PARD3: variants seen among roughly 807,000 people sequenced by gnomAD.
PARD3 encodes the protein par-3 family cell polarity regulator, also known as partitioning defective 3 homolog.
A neutral mutation model predicts 155.4 loss-of-function variants in PARD3; 75 were observed. The ratio of observed to expected loss-of-function variants is 0.48; its 90% CI spans 0.40 to 0.58. The LOEUF (loss-of-function observed/expected upper bound fraction) is 0.58, where lower values mean the gene tolerates loss of function less well. PARD3 is among the 20% of genes least tolerant of loss of function. PARD3 has a pLI of 0.00. For missense variants in PARD3, 1,642 were observed against 1,721.7 expected (o/e 0.95, Z 0.82); for synonymous variants, 576 against 610.5 (o/e 0.94, Z 0.83).
chr10:34,402,215 A>AT (rs1181080166), intron 5 of PARD3, among the ~76,000 whole-genome samples: 2 of 152,112 alleles, frequency 1.3e-5, no homozygotes, highest in Non-Finnish European at 2.9e-5. Context: ...TTATCTGGTC[A>AT]TTTTTCATTT....
rs773527463 is a variant in PARD3 at position 34,111,246 on chromosome 10, C to T, written c.3985G>A (p.Val1329Met). 6 of 1,612,708 alleles carry T rather than the reference C, an allele frequency of 3.7e-6. No homozygotes were observed. Among genetic ancestry groups the T allele is most frequent in the South Asian group, 2.2e-5 (2 of 91,018 alleles). The part of the protein sequence containing the change: ...APPKGPFRQD[V>M]PPSPSQVARL... ...GCAACCTGAGAAGGGGAGGGGGGCACATCTTGCCGGAAGGGCCCCTTGGGA... is the reference window on the plus strand; with the variant it reads ...GCAACCTGAGAAGGGGAGGGGGGCATATCTTGCCGGAAGGGCCCCTTGGGA... Residue 1329 changes from valine to methionine, a missense_variant, in exon 25 of 25, where the codon GTG becomes ATG. Val to Met is a conservative substitution (Grantham distance 21). Coordinates refer to ENST00000374788, the MANE Select transcript of PARD3 (RefSeq NM_001184785.2).
chr10:34,643,222 G>A (rs190397006), intron 2 of PARD3, among the ~76,000 whole-genome samples: 46 of 152,316 alleles, frequency 3.0e-4, no homozygotes, highest in Admixed American at 2.7e-3. Context: ...TGGCTCACCT[G>A]GAGCCCCCTC....
intron 1 of PARD3, among the ~76,000 whole-genome samples, chr10:34,752,486 G>A (rs1474436154): frequency 1.3e-5 from 2 of 150,566 alleles, no homozygotes; most frequent in Non-Finnish European, 2.9e-5. Flanking sequence ...AAGCTTTTAA[G>A]ACATGTAAAT....
chr10:34,267,558 T>G (rs1955384467), intron 22 of PARD3, among the ~76,000 whole-genome samples: 1 of 152,210 alleles, frequency 6.6e-6, no homozygotes, highest in Non-Finnish European at 1.5e-5. Context: ...CATTTCACCT[T>G]AAGATCTGGC....
intron 1 of PARD3, among the ~76,000 whole-genome samples, chr10:34,749,495 T>C (rs956933288): frequency 6.6e-6 from 1 of 151,316 alleles, no homozygotes; most frequent in African/African-American, 2.4e-5. Flanking sequence ...AAACTATATA[T>C]AAATTATAAC....
At position 34,513,811 on chromosome 10, in the gene PARD3, T is replaced by C. The variant is rs561646999; in HGVS notation, c.403+3168A>G. Among the ~76,000 whole-genome samples the C allele has an allele frequency of 5.7e-4, 87 of 152,316 alleles. 1 individual carries two copies. The highest frequency in any genetic ancestry group is 1.9e-3 in the African/African-American group (81 of 41,582). On this transcript the variant is annotated intron_variant, in intron 3 of 24. Transcript: ENST00000374788. ...ACATCTGGGCTGCAGAGTTCTCTGA[T>C]GTCGGATTGTCCTGTGCTTGTAAGG...
At chr10:34,227,856 T>TATATATA (rs1554814034) in intron 22 of PARD3, among the ~76,000 whole-genome samples, 4,836 of 82,138 alleles carry the variant, frequency 0.059, 335 homozygotes, top group Middle Eastern at 0.1. Flanking sequence ...GAATTATTTT[T>TATATATA]TATATATATA....
intron 22 of PARD3, among the ~76,000 whole-genome samples, chr10:34,254,305 GGAGGCAGAGCTTGCAGTGAGCCGAGA>G (rs1425133919): frequency 6.6e-6 from 1 of 151,944 alleles, no homozygotes; most frequent in Non-Finnish European, 1.5e-5. Context: ...CGTGAACCCA[GGAGGCAGAGCTTGCAGTGAGCCGAGA>G]TCGCACCACT....
At chr10:34,474,384 G>A (rs2078564775) in intron 3 of PARD3, among the ~76,000 whole-genome samples, 2 of 152,132 alleles carry the variant, frequency 1.3e-5, no homozygotes, top group Admixed American at 6.6e-5. Context: ...CTCTCACAAT[G>A]ATGTGCTTCT....
intron 4 of PARD3, among the ~76,000 whole-genome samples, chr10:34,453,427 C>G (rs1451771472): frequency 2.6e-5 from 4 of 152,164 alleles, no homozygotes; most frequent in Admixed American, 6.5e-5. Flanking sequence ...GATCATCATT[C>G]ACCTTTAAAC....
intron 7 of PARD3, among the ~76,000 whole-genome samples, chr10:34,390,838 TTTAG>T (rs1842810532): frequency 6.6e-6 from 1 of 152,236 alleles, no homozygotes; most frequent in African/African-American, 2.4e-5. Context: ...TGTGTACACA[TTTAG>T]TTTTATTGTA....
chr10:34,733,901 CAAAAG>C (rs943098764), intron 1 of PARD3, among the ~76,000 whole-genome samples: 10 of 150,802 alleles, frequency 6.6e-5, no homozygotes, highest in Admixed American at 2.0e-4. Flanking sequence ...CACCAATTCA[CAAAAG>C]AAGAGAGTAA....
At chr10:34,404,864 G>A (rs1844272170) in intron 5 of PARD3, among the ~76,000 whole-genome samples, 1 of 152,002 alleles carries the variant, frequency 6.6e-6, no homozygotes, top group African/African-American at 2.4e-5. Flanking sequence ...GCAGAGAATG[G>A]CTTAACACCA....
chr10:34,180,705 T>C (rs1950230877), intron 22 of PARD3, among the ~76,000 whole-genome samples: 1 of 152,174 alleles, frequency 6.6e-6, no homozygotes, highest in African/African-American at 2.4e-5. Flanking sequence ...TTTCTACTAA[T>C]TTATAAAGTT....
chr10:34,502,683 A>G (rs1475273280), intron 3 of PARD3, among the ~76,000 whole-genome samples: 5 of 152,158 alleles, frequency 3.3e-5, no homozygotes, highest in Non-Finnish European at 5.9e-5. Context: ...GTGACTACCT[A>G]TAGTCCCAGC....
intron 2 of PARD3, among the ~76,000 whole-genome samples, chr10:34,549,198 T>C (rs116667758): frequency 0.017 from 2,533 of 152,258 alleles, 64 homozygotes; most frequent in African/African-American, 0.058. Context: ...AGAAGAGCTC[T>C]GTGGGGATTA....
At chr10:34,615,404 C>T (rs543126317) in intron 2 of PARD3, among the ~76,000 whole-genome samples, 1 of 152,214 alleles carries the variant, frequency 6.6e-6, no homozygotes, top group Admixed American at 6.5e-5. Flanking sequence ...AACAGTGTAA[C>T]CATGGGCAGC....
At chr10:34,741,185 T>G (rs1053757973) in intron 1 of PARD3, among the ~76,000 whole-genome samples, 4 of 137,556 alleles carry the variant, frequency 2.9e-5, no homozygotes, top group African/African-American at 1.0e-4. Context: ...TTTTTTTTTT[T>G]TTTTTTTTTG....
intron 2 of PARD3, among the ~76,000 whole-genome samples, chr10:34,687,727 G>T (rs2093974256): frequency 6.6e-6 from 1 of 151,012 alleles, no homozygotes; most frequent in African/African-American, 2.4e-5. Flanking sequence ...CAGCACCAAA[G>T]ATAGTAAAAG....
Sources: allele counts gnomAD v4.1 joint callset (sites outside exome capture counted in the v4.1 genomes callset), GRCh38; gene constraint gnomAD v4.1.1; transcripts MANE v1.5; gene names NCBI Gene and HGNC (gene_info 2026-07-23, HGNC 2026-07-21).